The following COL25A1 variants were observed in gnomAD, a reference collection of about 807,000 sequenced individuals.
COL25A1 encodes collagen type XXV alpha 1 chain.
A neutral mutation model predicts 128.4 loss-of-function variants in COL25A1; 103 were observed. That is an observed-to-expected ratio of 0.80 (90% CI 0.68 to 0.94). COL25A1 has a LOEUF of 0.94. Among genes scored for constraint, COL25A1 ranks in the 40% least tolerant of loss-of-function variants. COL25A1 has a pLI of 0.00. For synonymous variants in COL25A1, 279 were observed against 277.2 expected, an observed-to-expected ratio of 1.01 and a Z score of -0.06; for missense variants, 745 against 840.0, an observed-to-expected ratio of 0.89 and a Z score of 1.40.
Position 109,180,330 on chromosome 4 carries a change from CA to C in COL25A1, c.367+120252del, listed in dbSNP as rs112382707. ...ATAACAAGTTAAATGCATAAAAATTCAGGTTTTTATTTCTCTATCTCTGACA... is the reference window on the plus strand; with the variant it reads ...ATAACAAGTTAAATGCATAAAAATTCGGTTTTTATTTCTCTATCTCTGACA... On this transcript the variant is annotated intron_variant, in intron 3 of 37. Transcript: ENST00000399132. Among the ~76,000 whole-genome samples, 211 of 152,212 alleles carry C rather than the reference CA, an allele frequency of 1.4e-3. 1 individual carries two copies. Among genetic ancestry groups the C allele is most frequent in the African/African-American group, 4.9e-3 (205 of 41,552 alleles).
chr4:108,852,556 T>C (rs1459385543), intron 25 of COL25A1, among the ~76,000 whole-genome samples: 3 of 152,176 alleles, frequency 2.0e-5, no homozygotes, highest in Non-Finnish European at 2.9e-5. Flanking sequence ...TGCTCCACAC[T>C]CATCGTATTG....
intron 3 of COL25A1, among the ~76,000 whole-genome samples, chr4:109,066,383 C>T (rs1363194240): frequency 6.6e-6 from 1 of 152,148 alleles, no homozygotes; most frequent in Non-Finnish European, 1.5e-5. Flanking sequence ...AACTCTGTTC[C>T]AGCATTGAGA....
At chr4:109,122,784 A>C (rs951490733) in intron 3 of COL25A1, among the ~76,000 whole-genome samples, 7 of 152,096 alleles carry the variant, frequency 4.6e-5, no homozygotes, top group African/African-American at 1.7e-4. Flanking sequence ...ATTTGACAGT[A>C]AATCTACTAA....
rs776941019 is a variant in COL25A1, at chr4:109,057,421, ATTT to A, written c.368-7245_368-7243del. Reference sequence around the variant, plus strand: ...TAGCTGGGACCACCATGCCTAGCTAATTTTTTTTTTTTTTTTTTTTTTTTTTTT... The same window carrying A: ...TAGCTGGGACCACCATGCCTAGCTAATTTTTTTTTTTTTTTTTTTTTTTTT... On this transcript the variant is annotated intron_variant, in intron 3 of 37. Coordinates refer to ENST00000399132, the MANE Select transcript of COL25A1 (RefSeq NM_198721.4). 2.0e-3 allele frequency among the ~76,000 whole-genome samples: 40 copies of A among 20,222 alleles called. 1 individual carries two copies. The highest frequency in any genetic ancestry group is 5.4e-3 in the African/African-American group (31 of 5,752). The allele number at this position is 20,222 out of a possible 152,430, so 13.3% of individuals were successfully genotyped here.
intron 32 of COL25A1, among the ~76,000 whole-genome samples, chr4:108,828,050 T>TGGCA (rs1732596951): frequency 1.3e-5 from 2 of 152,214 alleles, no homozygotes; most frequent in Admixed American, 6.5e-5. Flanking sequence ...GAATAGTGTA[T>TGGCA]GGCACATCAG....
At position 108,817,445 on chromosome 4, in the gene COL25A1, A is replaced by C; in HGVS notation, c.1924-10T>G. The C allele has an allele frequency of 6.2e-7, 1 of 1,612,838 alleles. No individual in the cohort carries two copies. Among genetic ancestry groups the C allele is most frequent in the Non-Finnish European group, 8.5e-7 (1 of 1,179,038 alleles). On this transcript the variant is annotated splice_polypyrimidine_tract_variant and intron_variant, in intron 36 of 37. Transcript: ENST00000399132. The stretch of plus-strand genomic sequence containing the variant: ...GTAAGCCATCTGGCCCCTGTTTTAA[A>C]GAGAAGAAAAAGAATTCCTCAGGTT...
At chr4:109,161,692 T>C (rs1772597294) in intron 3 of COL25A1, among the ~76,000 whole-genome samples, 1 of 152,234 alleles carries the variant, frequency 6.6e-6, no homozygotes, top group Admixed American at 6.5e-5. Context: ...AGTTATATTG[T>C]ATTTTCTTAA....
intron 6 of COL25A1, among the ~76,000 whole-genome samples, chr4:108,993,022 T>C (rs889229761): frequency 6.6e-6 from 1 of 152,206 alleles, no homozygotes; most frequent in Non-Finnish European, 1.5e-5. Flanking sequence ...CCTGACATGG[T>C]TATCATGTTG....
chr4:108,982,508 C>T (rs940266758), intron 6 of COL25A1, among the ~76,000 whole-genome samples: 33 of 152,018 alleles, frequency 2.2e-4, no homozygotes, highest in African/African-American at 7.2e-4. Flanking sequence ...GAAAAGAATG[C>T]AATAAAACTC....
intron 5 of COL25A1, among the ~76,000 whole-genome samples, chr4:109,045,559 A>G (rs1361292813): frequency 6.6e-6 from 1 of 152,196 alleles, no homozygotes; most frequent in Non-Finnish European, 1.5e-5. Context: ...GAAGGCAGAT[A>G]CTTTTTAGAC....
intron 3 of COL25A1, among the ~76,000 whole-genome samples, chr4:109,087,394 G>A (rs1030226694): frequency 2.0e-5 from 3 of 152,142 alleles, no homozygotes; most frequent in Admixed American, 1.3e-4. Flanking sequence ...CACCCCGCCT[G>A]CGCCACACCT....
chr4:109,178,694 G>A (rs766234526), intron 3 of COL25A1, among the ~76,000 whole-genome samples: 2 of 151,938 alleles, frequency 1.3e-5, no homozygotes, highest in African/African-American at 2.4e-5. Flanking sequence ...AATTAGCCAG[G>A]TGTGGTGGCG....
chr4:108,868,242 G>A (rs1738183400), intron 20 of COL25A1, among the ~76,000 whole-genome samples: 1 of 152,126 alleles, frequency 6.6e-6, no homozygotes, highest in Non-Finnish European at 1.5e-5. Context: ...TGGGGTACAA[G>A]TGGAACAACT....
intron 3 of COL25A1, among the ~76,000 whole-genome samples, chr4:109,203,128 T>A (rs1469131192): frequency 6.6e-6 from 1 of 152,026 alleles, no homozygotes; most frequent in East Asian, 1.9e-4. Flanking sequence ...AACCATACCA[T>A]ACTGAAATTT....
At chr4:108,954,006 T>A (rs566858158) in intron 8 of COL25A1, among the ~76,000 whole-genome samples, 63 of 152,280 alleles carry the variant, frequency 4.1e-4, no homozygotes, top group Non-Finnish European at 6.6e-4. Flanking sequence ...GATTCTTAAA[T>A]CATAAAAATG....
intron 8 of COL25A1, among the ~76,000 whole-genome samples, chr4:108,952,254 A>G (rs1749519799): frequency 6.6e-6 from 1 of 152,174 alleles, no homozygotes; most frequent in African/African-American, 2.4e-5. Flanking sequence ...TACATCTTTT[A>G]ATTAATTGCT....
At chr4:109,122,719 T>C (rs1768216902) in intron 3 of COL25A1, among the ~76,000 whole-genome samples, 1 of 152,144 alleles carries the variant, frequency 6.6e-6, no homozygotes, top group Non-Finnish European at 1.5e-5. Context: ...CTGTGAATGT[T>C]ATCAAGGACA....
chr4:109,300,192 A>AC (rs1420297627), intron 3 of COL25A1, among the ~76,000 whole-genome samples: 4 of 152,010 alleles, frequency 2.6e-5, no homozygotes, highest in Non-Finnish European at 5.9e-5. Flanking sequence ...AAAAAAAAAA[A>AC]AAAACTCTGC....
intron 3 of COL25A1, among the ~76,000 whole-genome samples, chr4:109,073,240 G>T (rs1465842952): frequency 6.6e-6 from 1 of 152,156 alleles, no homozygotes; most frequent in Non-Finnish European, 1.5e-5. Flanking sequence ...TCTTACCTCA[G>T]AATAAATGAG....
Sources: gnomAD v4.1 joint callset for allele counts (sites outside exome capture counted in the v4.1 genomes callset) on GRCh38, gnomAD v4.1.1 for gene constraint, MANE v1.5 for transcripts, NCBI Gene and HGNC (gene_info 2026-07-23, HGNC 2026-07-21) for gene names.